Variants in CDKL1 observed in about 807,000 individuals in gnomAD.
CDKL1 encodes cyclin-dependent kinase-like 1.
A neutral mutation model predicts 42.0 loss-of-function variants in CDKL1; 41 were observed. The ratio of observed to expected loss-of-function variants is 0.98; its 90% CI spans 0.76 to 1.27. The LOEUF (loss-of-function observed/expected upper bound fraction) is 1.27. Among genes scored for constraint, CDKL1 ranks in the 50% most tolerant of loss-of-function variants. The pLI is 0.00. For missense variants in CDKL1, 394 were observed against 428.4 expected (o/e 0.92, Z 0.71); for synonymous variants, 153 against 158.6 (o/e 0.96, Z 0.26).
chr14:50,350,487 C>A (rs2033869304), intron 3 of CDKL1, among the ~76,000 whole-genome samples: 1 of 152,178 alleles, frequency 6.6e-6, no homozygotes, highest in South Asian at 2.1e-4. Flanking sequence ...GGGGCTTGAG[C>A]TTTTCTCCTG....
At position 50,332,386 on chromosome 14, in the gene CDKL1, A is replaced by C. The variant is rs1198701221; in HGVS notation, c.842T>G (p.Leu281Arg). The change falls in exon 9 of 10, where the codon CTG becomes CGG. Residue 281 changes from leucine to arginine, a missense_variant. Transcript: ENST00000395834. ...DPTQRLTCEQLLHHPYFENIR... is the reference protein window; with the variant it reads ...DPTQRLTCEQRLHHPYFENIR... ...GTTTTCAAAATATGGGTGATGCAAC[A>C]GCTGTTCACATGTCAGCCTTTGAGT... 1 of 1,614,210 alleles carries C rather than the reference A, an allele frequency of 6.2e-7. No individual in the cohort carries two copies. The highest frequency in any genetic ancestry group is 1.1e-5 in the South Asian group (1 of 91,076).
intron 2 of CDKL1, 91 bp downstream of exon 2, chr14:50,395,610 T>G (rs2139562942): frequency 2.1e-4 from 172 of 837,124 alleles, no homozygotes; most frequent in Non-Finnish European, 3.0e-4. Context: ...CAGGCTGCTG[T>G]GAGCTATGAT....
chr14:50,353,736 T>A (rs1566587229), intron 3 of CDKL1, among the ~76,000 whole-genome samples: 5 of 150,626 alleles, frequency 3.3e-5, no homozygotes, highest in African/African-American at 7.3e-5. Flanking sequence ...AGAGTACATT[T>A]AAAAAAAAAT....
At chr14:50,330,352 C>T (rs1383990051) in intron 9 of CDKL1, 171 bp from the exon 10 acceptor site, 1 of 742,448 alleles carries the variant, frequency 1.3e-6, no homozygotes, top group African/African-American at 1.9e-5. Flanking sequence ...CTTGGCTTTT[C>T]CTTTTAAATG....
intron 2 of CDKL1, chr14:50,376,343 T>G (rs529188806): frequency 1.3e-5 from 6 of 469,838 alleles, no homozygotes; most frequent in African/African-American, 1.2e-4. Context: ...TTACTAGCAC[T>G]CCACTTCTGA....
chr14:50,372,442 C>T (rs904624197), intron 2 of CDKL1, among the ~76,000 whole-genome samples: 1 of 152,222 alleles, frequency 6.6e-6, no homozygotes, highest in African/African-American at 2.4e-5. Flanking sequence ...ATTTTGGATA[C>T]ATATAACCCC....
Position 50,395,770 on chromosome 14 carries a change from C to G in CDKL1, c.99G>C (p.Lys33Asn), listed in dbSNP as rs377707064. ...GGTCATCTTCTGATTCCAGAAACTT[C>G]TTGATGGCCACAATCTGACCCGTGT... is the stretch of plus-strand genomic sequence containing the variant. ...NRDTGQIVAIKKFLESEDDPV... is the reference protein window; with the variant it reads ...NRDTGQIVAINKFLESEDDPV... Residue 33 changes from lysine to asparagine, a missense_variant, in exon 2 of 10, where the codon AAG becomes AAC. By Grantham distance (94) the Lys-to-Asn change is moderately conservative. Transcript: ENST00000395834. 2.3e-5 allele frequency: 37 copies of G among 1,613,990 alleles called. 1 individual carries two copies. In the South Asian group the frequency reaches 4.0e-4, roughly 17 times the overall value.
In CDKL1 at chr14:50,388,521, G is replaced by T. The variant is rs116952623; in HGVS notation, c.168+7180C>A. On this transcript the variant is annotated intron_variant, in intron 2 of 9. Transcript: ENST00000395834. ...GCTTTTGCCTCCAGCGCCTCCGTTG[G>T]CCGTTGGCCACAGCACTATGTTAAA... is the stretch of plus-strand genomic sequence containing the variant. 7.1e-3 allele frequency among the ~76,000 whole-genome samples: 1,088 copies of T among 152,316 alleles called. 6 individuals carry two copies. The highest frequency in any genetic ancestry group is 0.011 in the Non-Finnish European group (776 of 68,030).
intron 8 of CDKL1, chr14:50,333,359 C>T (rs777484512): frequency 2.0e-5 from 3 of 152,190 alleles, no homozygotes; most frequent in South Asian, 4.1e-4. Flanking sequence ...TGTCCTCACT[C>T]CTCGTTGTAC....
chr14:50,357,938 T>G (rs558013692), intron 3 of CDKL1: 2 of 569,394 alleles, frequency 3.5e-6, no homozygotes, highest in South Asian at 1.6e-5. Context: ...TGGGAGAGAG[T>G]GAGAAAGAAC....
chr14:50,332,616 T>G, intron 8 of CDKL1, 184 bp from the exon 9 acceptor site: 2 of 1,503,912 alleles, frequency 1.3e-6, no homozygotes, highest in Non-Finnish European at 1.8e-6. Context: ...ACATATTAAA[T>G]AAATAGTTTC....
rs537207474 is a variant in CDKL1 at position 50,377,195 on chromosome 14, C to A, written c.169-18046G>T. On this transcript the variant is annotated intron_variant, in intron 2 of 9. Coordinates refer to ENST00000395834, the MANE Select transcript of CDKL1 (RefSeq NM_004196.7). ...GCGCCTGTAGCCTGACAGAGCCTCA[C>A]CCCAGCTGTCCTTGGTTTTTGCTTT... Among the ~76,000 whole-genome samples the A allele has an allele frequency of 6.6e-5, 10 of 152,298 alleles. No homozygotes were observed. In the East Asian group the frequency reaches 1.9e-3, roughly 29 times the overall value.
At chr14:50,338,455 T>C (rs1017718732) in intron 7 of CDKL1, among the ~76,000 whole-genome samples, 5 of 152,206 alleles carry the variant, frequency 3.3e-5, no homozygotes, top group African/African-American at 7.2e-5. Flanking sequence ...CTGGAACTCC[T>C]GACCTCAGGT....
chr14:50,340,994 T>A (rs375066450), intron 6 of CDKL1, 38 bp downstream of exon 6: 1 of 1,602,614 alleles, frequency 6.2e-7, no homozygotes, highest in African/African-American at 1.3e-5. Flanking sequence ...TGGGGAAATA[T>A]CCAGTTTTCC....
chr14:50,396,845 G>C lies in CDKL1; in HGVS notation c.-483C>G, dbSNP rs903909513. 5.6e-6 allele frequency: 1 copy of C among 178,304 alleles called. No individual in the cohort carries two copies. The highest frequency in any genetic ancestry group is 1.1e-5 in the Non-Finnish European group (1 of 88,010). The allele number at this position is 178,304 out of a possible 1,614,324, so 11.0% of individuals were successfully genotyped here. On this transcript the variant is annotated 5_prime_UTR_variant, in exon 1 of 10. Coordinates refer to ENST00000395834, the MANE Select transcript of CDKL1 (RefSeq NM_004196.7). ...TCACGGCGCCGCGGCGGTCAGGGAC[G>C]GGCCTGGCTCCCGCCTCGCCTTCTT...
At chr14:50,341,268 C>T (rs1013945958) in intron 5 of CDKL1, 36 bp from the exon 6 acceptor site, 37 of 1,550,156 alleles carry the variant, frequency 2.4e-5, no homozygotes, top group South Asian at 4.9e-5. Flanking sequence ...CAAACAGCAG[C>T]GGAAGGCTGG....
In CDKL1 at chr14:50,329,884, C is replaced by T. The variant is rs898194100; in HGVS notation, c.*190G>A. The T allele has an allele frequency of 1.4e-5, 9 of 644,510 alleles. No individual in the cohort carries two copies. Among genetic ancestry groups the T allele is most frequent in the African/African-American group, 1.1e-4 (6 of 52,950 alleles). 39.9% of individuals were successfully genotyped at this position (644,510 alleles called of 1,614,324 possible). ...AAACAGGTTTTTTCTTTTCTGGACA[C>T]CATCATCAAGCATGGAAGACTGGAT... On this transcript the variant is annotated 3_prime_UTR_variant, in exon 10 of 10. Coordinates refer to ENST00000395834, the MANE Select transcript of CDKL1 (RefSeq NM_004196.7).
Position 50,326,575 on chromosome 14 carries a change from T to G in CDKL1, c.*3499A>C. ...CTTGTGTTCTTGATAGCATACAGAC[T>G]TACTCAGAATCAACAGTTGCTGCTT... On this transcript the variant is annotated 3_prime_UTR_variant, in exon 10 of 10. Coordinates refer to ENST00000395834, the MANE Select transcript of CDKL1 (RefSeq NM_004196.7). 2 of 985,450 alleles carry G rather than the reference T, an allele frequency of 2.0e-6. No individual in the cohort carries two copies. Among genetic ancestry groups the G allele is most frequent in the African/African-American group, 1.7e-5 (1 of 57,358 alleles). The allele number at this position is 985,450 out of a possible 1,614,324, so 61.0% of individuals were successfully genotyped here. A position where few individuals can be genotyped will look rare whatever the true frequency, so the allele number is the denominator to read the frequency against.
chr14:50,335,648 G>A (rs2139374889), intron 7 of CDKL1: 18 of 1,514,564 alleles, frequency 1.2e-5, no homozygotes, highest in East Asian at 2.5e-5. Flanking sequence ...TGAGCAGAGA[G>A]GCTGAGAAAA....
Sources: gnomAD v4.1 joint callset for allele counts (sites outside exome capture counted in the v4.1 genomes callset) on GRCh38, gnomAD v4.1.1 for gene constraint, MANE v1.5 for transcripts, NCBI Gene and HGNC (gene_info 2026-07-23, HGNC 2026-07-21) for gene names.